ASAP2: variants seen among roughly 807,000 people sequenced by gnomAD.
ASAP2 encodes arf-GAP with SH3 domain, ANK repeat and PH domain-containing protein 2.
Under a neutral mutation model 131.4 loss-of-function variants are expected in ASAP2, and 45 were observed. That is an observed-to-expected ratio of 0.34 (90% CI 0.27 to 0.44). The LOEUF (loss-of-function observed/expected upper bound fraction) is 0.44. Ranked by LOEUF, ASAP2 falls within the 20% of genes least tolerant of loss-of-function variation. The probability of loss-of-function intolerance (pLI) is 1.00; values close to 1 mark genes in which losing one functional copy is unlikely to be tolerated. For missense variants in ASAP2, 1,011 were observed against 1,297.0 expected (o/e 0.78, Z 3.39); for synonymous variants, 510 against 503.0 (o/e 1.01, Z -0.19).
chr2:9,391,057 T>C lies in ASAP2; in HGVS notation c.2384-5T>C, dbSNP rs765856595. On this transcript the variant is annotated splice_region_variant and splice_polypyrimidine_tract_variant and intron_variant, in intron 22 of 27. Coordinates refer to ENST00000281419, the MANE Select transcript of ASAP2 (RefSeq NM_003887.3). The stretch of plus-strand genomic sequence containing the variant: ...ATGCGTCTGTGTGCATGCGTGTGGG[T>C]TCAGTTCAGACAGCCTCCTCTGCTA... 4 of 1,614,068 alleles carry C rather than the reference T, an allele frequency of 2.5e-6. No individual in the cohort carries two copies. The highest frequency in any genetic ancestry group is 2.5e-6 in the Non-Finnish European group (3 of 1,180,050).
chr2:9,208,903 T>C (rs1661339524), intron 1 of ASAP2, among the ~76,000 whole-genome samples: 1 of 152,268 alleles, frequency 6.6e-6, no homozygotes, highest in Admixed American at 6.5e-5. Flanking sequence ...TTTAAAGTTC[T>C]GTTGCTTTTC....
chr2:9,368,263 A>G (rs1673633654), intron 15 of ASAP2, among the ~76,000 whole-genome samples, 162 bp from the exon 16 acceptor site: 1 of 151,952 alleles, frequency 6.6e-6, no homozygotes, highest in Non-Finnish European at 1.5e-5. Context: ...TTTTATGGGT[A>G]CCTTTGGGCT....
rs766118194 is a variant in ASAP2, at chr2:9,320,344, G to GT, written c.470+9dup. ...AGGACTATGAAACAAAAATGTGAGT[G>GT]TTCTCGTTTTTAAATTTACGTATAG... On this transcript the variant is annotated splice_region_variant and intron_variant, in intron 5 of 27. Transcript: ENST00000281419. 1 of 1,607,980 alleles carries GT rather than the reference G, an allele frequency of 6.2e-7. No individual in the cohort carries two copies. Among genetic ancestry groups the GT allele is most frequent in the Non-Finnish European group, 8.5e-7 (1 of 1,176,814 alleles).
Position 9,337,760 on chromosome 2 carries a change from C to T in ASAP2, c.849+2581C>T, listed in dbSNP as rs1304575034. Among the ~76,000 whole-genome samples, 8 of 152,152 alleles carry T rather than the reference C, an allele frequency of 5.3e-5. 1 individual carries two copies. In the South Asian group the frequency reaches 6.2e-4, roughly 12 times the overall value. On this transcript the variant is annotated intron_variant, in intron 9 of 27. Coordinates refer to ENST00000281419, the MANE Select transcript of ASAP2 (RefSeq NM_003887.3). ...TGTGGAGCTTGTGCCGTTCTGGTCCCGGTGACCTCACACCTCCCAATCACT... is the reference window on the plus strand; with the variant it reads ...TGTGGAGCTTGTGCCGTTCTGGTCCTGGTGACCTCACACCTCCCAATCACT...
intron 5 of ASAP2, among the ~76,000 whole-genome samples, chr2:9,321,714 C>T (rs1670159764): frequency 6.6e-6 from 1 of 152,044 alleles, no homozygotes; most frequent in African/African-American, 2.4e-5. Context: ...AGAAGAGTGC[C>T]TGAGAGAGTC....
chr2:9,310,289 A>T (rs1288231226), intron 3 of ASAP2, among the ~76,000 whole-genome samples: 1 of 152,216 alleles, frequency 6.6e-6, no homozygotes, highest in Non-Finnish European at 1.5e-5. Flanking sequence ...CAAATAAGTG[A>T]CATGATGCAG....
At chr2:9,358,664 A>C in intron 14 of ASAP2, 92 bp from the exon 15 acceptor site, 1 of 1,472,172 alleles carries the variant, frequency 6.8e-7, no homozygotes, top group Non-Finnish European at 9.1e-7. Context: ...CATGCTCAGA[A>C]CTGCTTGTTC....
In ASAP2 at chr2:9,311,170, T is replaced by C. The variant is rs1669268206; in HGVS notation, c.346-7354T>C. On this transcript the variant is annotated intron_variant, in intron 3 of 27. Transcript: ENST00000281419. The surrounding 1 kb of genome is among the most constrained non-coding windows in gnomAD (Gnocchi z 5.2). Reference sequence around the variant, plus strand: ...ACTTTGGGAGGCTGAGGTGGGTAGGTTGCTTGAGCCCAGAAGTTTGAGACC... The same window carrying C: ...ACTTTGGGAGGCTGAGGTGGGTAGGCTGCTTGAGCCCAGAAGTTTGAGACC... Among the ~76,000 whole-genome samples, 2 of 152,086 alleles carry C rather than the reference T, an allele frequency of 1.3e-5. No individual in the cohort carries two copies. Among genetic ancestry groups the C allele is most frequent in the Admixed American group, 6.6e-5 (1 of 15,258 alleles).
chr2:9,260,229 A>T (rs992995066), intron 1 of ASAP2, among the ~76,000 whole-genome samples: 1 of 152,148 alleles, frequency 6.6e-6, no homozygotes, highest in Non-Finnish European at 1.5e-5. Context: ...GTGTGTGGAG[A>T]TGTGGGAATG....
At chr2:9,230,902 G>T (rs1663112905) in intron 1 of ASAP2, among the ~76,000 whole-genome samples, 1 of 152,172 alleles carries the variant, frequency 6.6e-6, no homozygotes, top group Admixed American at 6.5e-5. Flanking sequence ...GCATGGGCCA[G>T]GGGGTCCTGT....
intron 1 of ASAP2, among the ~76,000 whole-genome samples, chr2:9,278,969 A>G (rs998850556): frequency 5.3e-5 from 8 of 152,228 alleles, no homozygotes; most frequent in African/African-American, 1.9e-4. Flanking sequence ...CTGGTAACCA[A>G]GGAGAACGGA....
chr2:9,376,281 CCCTCA>C (rs1197046643), intron 17 of ASAP2, among the ~76,000 whole-genome samples: 3 of 152,222 alleles, frequency 2.0e-5, no homozygotes, highest in Non-Finnish European at 4.4e-5. Flanking sequence ...CCTTCCTTTG[CCCTCA>C]CCTCCTGTCT....
chr2:9,329,374 GT>G (rs1670684628), intron 7 of ASAP2, among the ~76,000 whole-genome samples: 1 of 152,176 alleles, frequency 6.6e-6, no homozygotes, highest in Non-Finnish European at 1.5e-5. Flanking sequence ...GCTATTAGGG[GT>G]TTTGGTGATG....
At chr2:9,254,401 G>A (rs531503798) in intron 1 of ASAP2, among the ~76,000 whole-genome samples, 121 of 137,984 alleles carry the variant, frequency 8.8e-4, no homozygotes, top group African/African-American at 3.2e-3. Flanking sequence ...TGCCTAGGCT[G>A]GAGTGCAGTG....
chr2:9,275,604 A>C (rs1329259158), intron 1 of ASAP2, among the ~76,000 whole-genome samples: 2 of 152,150 alleles, frequency 1.3e-5, no homozygotes, highest in East Asian at 1.9e-4. Context: ...CCCTGAATGC[A>C]CTTCCTGCCT....
chr2:9,331,251 A>G (rs1483605326), intron 7 of ASAP2, among the ~76,000 whole-genome samples: 1 of 152,264 alleles, frequency 6.6e-6, no homozygotes, highest in African/African-American at 2.4e-5. Flanking sequence ...CCTTGGAACT[A>G]CGTAGATATG....
At chr2:9,290,753 C>T (rs181592874) in intron 2 of ASAP2, among the ~76,000 whole-genome samples, 1 of 152,328 alleles carries the variant, frequency 6.6e-6, no homozygotes, top group East Asian at 1.9e-4. Context: ...CTGAGGCCCA[C>T]TGCGACTTGG....
intron 1 of ASAP2, among the ~76,000 whole-genome samples, chr2:9,260,424 T>C (rs1181753365): frequency 6.7e-6 from 1 of 148,376 alleles, no homozygotes; most frequent in African/African-American, 2.5e-5. Flanking sequence ...TGTAGAAAAA[T>C]GAAAGGTTCA....
At chr2:9,295,701 C>T (rs1668109832) in intron 2 of ASAP2, among the ~76,000 whole-genome samples, 1 of 152,154 alleles carries the variant, frequency 6.6e-6, no homozygotes, top group Non-Finnish European at 1.5e-5. Flanking sequence ...TTTGCTGAAT[C>T]TGGTCTCAGA....
Sources: gnomAD v4.1 joint callset for allele counts (sites outside exome capture counted in the v4.1 genomes callset) on GRCh38, gnomAD v4.1.1 for gene constraint, Gnocchi (gnomAD v3.1) non-coding constraint, MANE v1.5 for transcripts, NCBI Gene and HGNC (gene_info 2026-07-23, HGNC 2026-07-21) for gene names.